Variants in ATP6V1E2 observed in about 807,000 individuals in gnomAD.
The protein encoded by ATP6V1E2 is V-type proton ATPase subunit E 2.
For synonymous variants in ATP6V1E2, 121 were observed against 104.2 expected (o/e 1.16, Z -0.98); for missense variants, 308 against 273.3 (o/e 1.13, Z -0.90).
chr2:46,520,278 C>T (rs912032530), intron 4 of ATP6V1E2, among the ~76,000 whole-genome samples: 3 of 152,218 alleles, frequency 2.0e-5, no homozygotes, highest in African/African-American at 7.2e-5. Context: ...TGTAACTTCT[C>T]GTCTGTCTGG....
At chr2:46,522,550 G>A (rs1452116237) in intron 4 of ATP6V1E2, among the ~76,000 whole-genome samples, 1 of 152,120 alleles carries the variant, frequency 6.6e-6, no homozygotes, top group Non-Finnish European at 1.5e-5. Flanking sequence ...CTTCATCCAT[G>A]CCCCTGTAAA....
Position 46,512,699 on chromosome 2 carries a change from C to G in ATP6V1E2, c.13G>C (p.Asp5His), listed in dbSNP as rs1471468575. The G allele has an allele frequency of 2.5e-6, 4 of 1,611,712 alleles. No homozygotes were observed. Among genetic ancestry groups the G allele is most frequent in the Admixed American group, 3.3e-5 (2 of 59,956 alleles). ...TTAATCTGCTTTTTCACATCGACAT[C>G]ACTCAGGGCCATGGCTGCTCTCAGA... Reference protein sequence around the residue: MALSDVDVKKQIKHM... With the variant: MALSHVDVKKQIKHM... The change falls in exon 5 of 5, where the codon GAT becomes CAT. Residue 5 changes from aspartate to histidine, a missense_variant. Physicochemically the swap from Asp to His is moderately conservative, Grantham distance 81. Transcript: ENST00000522587.
chr2:46,512,286 G>C lies in ATP6V1E2; in HGVS notation c.426C>G (p.Leu142=). 1 of 1,611,416 alleles carries C rather than the reference G, an allele frequency of 6.2e-7. No individual in the cohort carries two copies. The highest frequency in any genetic ancestry group is 8.5e-7 in the Non-Finnish European group (1 of 1,178,228). The change falls in exon 5 of 5, where the codon CTC becomes CTG. Residue 142 remains leucine, a synonymous_variant. Coordinates refer to ENST00000522587, the MANE Select transcript of ATP6V1E2 (RefSeq NM_001318063.2). Reference sequence around the variant, plus strand: ...CTTTTTGTACAGCAGCCTCCACCAGGAGGAGGTCTTGTGGCCGGCAGCGTA... The same window carrying C: ...CTTTTTGTACAGCAGCCTCCACCAGCAGGAGGTCTTGTGGCCGGCAGCGTA... ...MIVRCRPQDL[L]LVEAAVQKAI...
rs59810518 is a variant in ATP6V1E2 at position 46,540,613 on chromosome 2, C to CTTTTTTTTTTT, written c.-310+766_-310+776dup. Among the ~76,000 whole-genome samples, 144 of 115,614 alleles carry CTTTTTTTTTTT rather than the reference C, an allele frequency of 1.2e-3. 6 individuals are homozygous for CTTTTTTTTTTT. Among genetic ancestry groups the CTTTTTTTTTTT allele is most frequent in the Admixed American group, 2.0e-3 (24 of 12,030 alleles). The allele number at this position is 115,614 out of a possible 152,430, so 75.8% of individuals were successfully genotyped here. A position where few individuals can be genotyped will look rare whatever the true frequency, so the allele number is the denominator to read the frequency against. The stretch of plus-strand genomic sequence containing the variant: ...TGAAATTTGAGAGCTTTTTCTGTAA[C>CTTTTTTTTTTT]TTTTTTTTTTTTTTTTTTTTTTTTT... On this transcript the variant is annotated intron_variant, in intron 2 of 4. Transcript: ENST00000522587.
intron 4 of ATP6V1E2, among the ~76,000 whole-genome samples, chr2:46,526,009 A>T (rs1438222406): frequency 6.6e-6 from 1 of 152,020 alleles, no homozygotes; most frequent in Non-Finnish European, 1.5e-5. Flanking sequence ...CTGATTTTTT[A>T]GAGAAGTTGG....
rs145520677 is a variant in ATP6V1E2 at position 46,517,593 on chromosome 2, A to G, written c.-101-4781T>C. Among the ~76,000 whole-genome samples the G allele has an allele frequency of 2.2e-3, 342 of 152,368 alleles. 3 individuals carry two copies. Among genetic ancestry groups the G allele is most frequent in the Middle Eastern group, 3.4e-3 (1 of 294 alleles). ...TCTGCAAACCGTATATCTCATAAGA[A>G]GTTAATATCCAGAATACATAAGGAA... On this transcript the variant is annotated intron_variant, in intron 4 of 4. Transcript: ENST00000522587.
chr2:46,533,257 T>C (rs1163133575), intron 4 of ATP6V1E2, among the ~76,000 whole-genome samples: 1 of 149,924 alleles, frequency 6.7e-6, no homozygotes, highest in Admixed American at 6.6e-5. Flanking sequence ...ATAGATAGAA[T>C]GGTTTGGGGT....
intron 4 of ATP6V1E2, among the ~76,000 whole-genome samples, chr2:46,533,079 ATATATATCTAACAT>A (rs143524121): frequency 0.25 from 36,159 of 147,402 alleles, 4,650 homozygotes; most frequent in Admixed American, 0.3. Context: ...TTAATTATAT[ATATATATCTAACAT>A]TATATATCTA....
intron 4 of ATP6V1E2, among the ~76,000 whole-genome samples, chr2:46,527,006 G>T (rs941817808): frequency 3.3e-5 from 5 of 152,168 alleles, no homozygotes; most frequent in African/African-American, 1.2e-4. Context: ...ATGCACATGG[G>T]TTCCAGTGTT....
intron 4 of ATP6V1E2, among the ~76,000 whole-genome samples, chr2:46,520,122 T>G (rs534427621): frequency 6.6e-6 from 1 of 152,208 alleles, no homozygotes; most frequent in Non-Finnish European, 1.5e-5. Flanking sequence ...CCTGAGTTCT[T>G]GTGTCCCCTC....
chr2:46,538,759 C>A (rs1572722724), intron 2 of ATP6V1E2, among the ~76,000 whole-genome samples: 2 of 152,080 alleles, frequency 1.3e-5, no homozygotes, highest in South Asian at 4.1e-4. Flanking sequence ...AGGCTCACAT[C>A]GCTCAGTTTA....
At chr2:46,517,464 A>G (rs886771313) in intron 4 of ATP6V1E2, among the ~76,000 whole-genome samples, 24 of 152,244 alleles carry the variant, frequency 1.6e-4, no homozygotes, top group Non-Finnish European at 2.4e-4. Context: ...ACAGACAACA[A>G]AAGCAAAAAT....
At chr2:46,520,214 A>G (rs779297557) in intron 4 of ATP6V1E2, among the ~76,000 whole-genome samples, 5 of 152,224 alleles carry the variant, frequency 3.3e-5, no homozygotes, top group Non-Finnish European at 7.4e-5. Context: ...AAAGGCAGGG[A>G]TTGAGCAAGT....
chr2:46,531,778 A>G (rs1465914248), intron 4 of ATP6V1E2, among the ~76,000 whole-genome samples: 2 of 152,192 alleles, frequency 1.3e-5, no homozygotes, highest in Non-Finnish European at 2.9e-5. Flanking sequence ...CCTAATGACT[A>G]ACTACTAATG....
chr2:46,529,434 C>T (rs1405522364), intron 4 of ATP6V1E2, among the ~76,000 whole-genome samples: 1 of 152,184 alleles, frequency 6.6e-6, no homozygotes, highest in Admixed American at 6.5e-5. Flanking sequence ...CAACCCTGCC[C>T]ACAGAGTCTA....
Position 46,535,056 on chromosome 2 carries a change from C to T in ATP6V1E2, c.-102+757G>A, listed in dbSNP as rs1667378688. On this transcript the variant is annotated intron_variant, in intron 4 of 4. Transcript: ENST00000522587. The surrounding 1 kb of genome is among the most constrained non-coding windows in gnomAD (Gnocchi z 4.4). ...CAACTATCTCCTCAACTCAGCAAGA[C>T]CACTATGCTCTGCTTGGGTTCCCCC... 6.6e-6 allele frequency: 1 copy of T among 152,194 alleles called. No individual in the cohort carries two copies. Among genetic ancestry groups the T allele is most frequent in the Admixed American group, 6.5e-5 (1 of 15,282 alleles). 9.4% of individuals were successfully genotyped at this position (152,194 alleles called of 1,614,324 possible).
At chr2:46,519,176 CG>C (rs1298434964) in intron 4 of ATP6V1E2, 1 of 152,212 alleles carries the variant, frequency 6.6e-6, no homozygotes, top group African/African-American at 2.4e-5. Context: ...GGGGCCATGA[CG>C]GGGGTTATCC....
At chr2:46,525,572 G>C (rs148309361) in intron 4 of ATP6V1E2, among the ~76,000 whole-genome samples, 318 of 151,766 alleles carry the variant, frequency 2.1e-3, no homozygotes, top group Admixed American at 5.7e-3. Flanking sequence ...TGGTCTAGAA[G>C]TAACAGGAGA....
chr2:46,512,465 C>T lies in ATP6V1E2; in HGVS notation c.247G>A (p.Val83Ile). The change falls in exon 5 of 5, where the codon GTC becomes ATC. Residue 83 changes from valine (V) to isoleucine (I), a missense_variant. Physicochemically the swap from Val to Ile is conservative, Grantham distance 29. Coordinates refer to ENST00000522587, the MANE Select transcript of ATP6V1E2 (RefSeq NM_001318063.2). ...STMRNQARLKVLRARNDLISD... is the reference protein window; with the variant it reads ...STMRNQARLKILRARNDLISD... ...ATGAGGTCATTTCGGGCTCTCAGGACTTTCAGCCTCGCCTGATTCCTCATG... is the reference window on the plus strand; with the variant it reads ...ATGAGGTCATTTCGGGCTCTCAGGATTTTCAGCCTCGCCTGATTCCTCATG... The T allele has an allele frequency of 6.2e-7, 1 of 1,614,226 alleles. No individual in the cohort carries two copies. Among genetic ancestry groups the T allele is most frequent in the Non-Finnish European group, 8.5e-7 (1 of 1,180,040 alleles).
Sources: gnomAD v4.1 joint callset for allele counts (sites outside exome capture counted in the v4.1 genomes callset) on GRCh38, gnomAD v4.1.1 for gene constraint, Gnocchi (gnomAD v3.1) non-coding constraint, MANE v1.5 for transcripts, NCBI Gene and HGNC (gene_info 2026-07-23, HGNC 2026-07-21) for gene names.